LIMS1: variants seen among roughly 807,000 people sequenced by gnomAD.
LIMS1 encodes LIM zinc finger domain containing 1.
Under a neutral mutation model 44.1 loss-of-function variants are expected in LIMS1, and 18 were observed. That is an observed-to-expected ratio of 0.41 (90% CI 0.28 to 0.61). The LOEUF is 0.61. LIMS1 is among the 20% of genes least tolerant of loss of function. The pLI, the probability that LIMS1 is intolerant of heterozygous loss-of-function variation, is 0.32. For synonymous variants in LIMS1, 93 were observed against 149.1 expected (o/e 0.62, Z 2.74); for missense variants, 201 against 422.0 (o/e 0.48, Z 4.59).
chr2:108,606,825 A>T (rs535858908), intron 1 of LIMS1, among the ~76,000 whole-genome samples: 38 of 152,272 alleles, frequency 2.5e-4, no homozygotes, highest in African/African-American at 9.1e-4. Flanking sequence ...CCACATAGAG[A>T]AATGGTAGAT....
At chr2:108,551,915 G>A (rs1353567289) in intron 1 of LIMS1, among the ~76,000 whole-genome samples, 1 of 127,046 alleles carries the variant, frequency 7.9e-6, no homozygotes, top group South Asian at 2.4e-4. Flanking sequence ...GTATATGTGT[G>A]TATATGTGTA....
intron 1 of LIMS1, among the ~76,000 whole-genome samples, chr2:108,553,809 A>G (rs1164955528): frequency 1.3e-5 from 2 of 152,066 alleles, no homozygotes; most frequent in Non-Finnish European, 2.9e-5. Flanking sequence ...GCCTGAGATC[A>G]TTTTCAATCT....
At chr2:108,551,953 G>GTGTATATA (rs56703030) in intron 1 of LIMS1, among the ~76,000 whole-genome samples, 37 of 85,286 alleles carry the variant, frequency 4.3e-4, no homozygotes, top group Middle Eastern at 5.5e-3. Flanking sequence ...GTGTGTGTGT[G>GTGTATATA]TATATATATA....
intron 1 of LIMS1, among the ~76,000 whole-genome samples, chr2:108,555,148 C>G (rs1684881888): frequency 6.6e-6 from 1 of 152,150 alleles, no homozygotes; most frequent in African/African-American, 2.4e-5. Context: ...TGTTTATGGT[C>G]TAGAGGTATC....
intron 1 of LIMS1, among the ~76,000 whole-genome samples, chr2:108,603,564 GGCTC>G (rs1054272114): frequency 8.5e-6 from 1 of 117,696 alleles, no homozygotes; most frequent in Non-Finnish European, 1.6e-5. Flanking sequence ...GAGTTATCTT[GGCTC>G]ACTACAACCT....
chr2:108,536,166 C>CTA (rs1345016077), intron 1 of LIMS1, among the ~76,000 whole-genome samples: 1 of 152,196 alleles, frequency 6.6e-6, no homozygotes, highest in Non-Finnish European at 1.5e-5. Context: ...CGCATCCTAT[C>CTA]CCCTTCCCAT....
At chr2:108,589,091 G>T (rs1686245734) in intron 1 of LIMS1, among the ~76,000 whole-genome samples, 1 of 151,668 alleles carries the variant, frequency 6.6e-6, no homozygotes, top group Admixed American at 6.6e-5. Context: ...TTAGCAATAT[G>T]TTTAGTGAAC....
At chr2:108,577,934 T>C (rs1164672122) in intron 1 of LIMS1, among the ~76,000 whole-genome samples, 1 of 152,220 alleles carries the variant, frequency 6.6e-6, no homozygotes, top group African/African-American at 2.4e-5. Flanking sequence ...AGACGGAGTC[T>C]TGTCTTGTTC....
At chr2:108,596,383 T>C (rs1686683590) in intron 1 of LIMS1, among the ~76,000 whole-genome samples, 1 of 152,202 alleles carries the variant, frequency 6.6e-6, no homozygotes, top group African/African-American at 2.4e-5. Context: ...TCTGGTGTTA[T>C]ATATGATAAC....
chr2:108,552,880 A>G (rs1395019648), intron 1 of LIMS1, among the ~76,000 whole-genome samples: 1 of 152,122 alleles, frequency 6.6e-6, no homozygotes, highest in African/African-American at 2.4e-5. Context: ...GCCTAGTCCA[A>G]TTTAACTATA....
At chr2:108,581,417 C>T (rs1685880894) in intron 1 of LIMS1, among the ~76,000 whole-genome samples, 1 of 152,236 alleles carries the variant, frequency 6.6e-6, no homozygotes, top group Non-Finnish European at 1.5e-5. Context: ...CCAGTAAATA[C>T]TTGTCTCTGA....
At chr2:108,672,962 G>C (rs777285065) in exon 5 of LIMS1, 1 of 1,157,402 alleles carries the variant, frequency 8.6e-7, no homozygotes, top group Non-Finnish European at 1.2e-6. Context: ...TGCTATCATC[G>C]ATGAGCAGCC....
intron 1 of LIMS1, among the ~76,000 whole-genome samples, chr2:108,583,764 A>G (rs971090815): frequency 3.7e-5 from 5 of 135,674 alleles, no homozygotes; most frequent in Non-Finnish European, 7.6e-5. Flanking sequence ...GTGTGATCTC[A>G]GCTTACTGCA....
chr2:108,602,211 G>GT (rs1430161068), intron 1 of LIMS1, among the ~76,000 whole-genome samples: 2 of 152,120 alleles, frequency 1.3e-5, no homozygotes, highest in Admixed American at 6.5e-5. Context: ...AAGTCCTTAG[G>GT]TTTTTCCAAA....
chr2:108,607,200 G>T (rs747050911), intron 1 of LIMS1: 476 of 1,550,758 alleles, frequency 3.1e-4, no homozygotes, highest in Non-Finnish European at 3.9e-4. Context: ...AGCATGGAGA[G>T]CTTAGCTTGG....
At chr2:108,546,487 G>A (rs114793028) in intron 1 of LIMS1, among the ~76,000 whole-genome samples, 5,025 of 151,900 alleles carry the variant, frequency 0.033, 289 homozygotes, top group African/African-American at 0.12. Context: ...CTTGTACTAT[G>A]AGCCCCTCTG....
intron 1 of LIMS1, among the ~76,000 whole-genome samples, chr2:108,540,157 C>CTAAT (rs1305985438): frequency 7.8e-6 from 1 of 128,900 alleles, no homozygotes; most frequent in Non-Finnish European, 1.7e-5. Flanking sequence ...GTGAATGTTT[C>CTAAT]TAATTTTCAT....
chr2:108,646,882 C>T (rs1011535746), intron 1 of LIMS1, among the ~76,000 whole-genome samples: 4 of 152,024 alleles, frequency 2.6e-5, no homozygotes, highest in Admixed American at 2.0e-4. Flanking sequence ...CCAACACACC[C>T]GGCTAATTTT....
chr2:108,628,496 T>C (rs190780556), intron 1 of LIMS1, among the ~76,000 whole-genome samples: 35 of 152,348 alleles, frequency 2.3e-4, no homozygotes, highest in Admixed American at 2.1e-3. Flanking sequence ...AGCAGTTTAT[T>C]GGATCATTTA....
Sources: allele counts gnomAD v4.1 joint callset (sites outside exome capture counted in the v4.1 genomes callset), GRCh38; gene constraint gnomAD v4.1.1; transcripts MANE v1.5; gene names NCBI Gene and HGNC (gene_info 2026-07-23, HGNC 2026-07-21).